Variants in CCSER2 observed in about 807,000 individuals in gnomAD.
The protein encoded by CCSER2 is coiled-coil serine rich protein 2, also known as serine-rich coiled-coil domain-containing protein 2.
A neutral mutation model predicts 92.3 loss-of-function variants in CCSER2; 46 were observed. The observed-to-expected ratio is 0.50, with a 90% CI of 0.39 to 0.64. The LOEUF (loss-of-function observed/expected upper bound fraction) is 0.64. Among genes scored for constraint, CCSER2 ranks in the 30% least tolerant of loss-of-function variants. CCSER2 has a pLI of 0.00. For missense variants in CCSER2, 1,244 were observed against 1,238.9 expected (o/e 1.00, Z -0.06); for synonymous variants, 433 against 431.4 (o/e 1.00, Z -0.04).
chr10:84,363,353 G>GA (rs1315900987), intron 1 of CCSER2, among the ~76,000 whole-genome samples: 7 of 151,854 alleles, frequency 4.6e-5, no homozygotes, highest in East Asian at 1.9e-4. Context: ...TGACAGCCAG[G>GA]AAAAAATGGG....
chr10:84,399,943 G>T (rs750630115), intron 3 of CCSER2, among the ~76,000 whole-genome samples: 1 of 151,476 alleles, frequency 6.6e-6, no homozygotes, highest in Non-Finnish European at 1.5e-5. Context: ...CCATCTTACT[G>T]GGCGTTAAGT....
At chr10:84,466,585 A>G (rs1021132510) in intron 7 of CCSER2, among the ~76,000 whole-genome samples, 1 of 150,826 alleles carries the variant, frequency 6.6e-6, no homozygotes, top group African/African-American at 2.4e-5. Context: ...GCTCGCTGCA[A>G]GCTCCACTTC....
At chr10:84,478,614 G>A (rs182482979) in intron 9 of CCSER2, among the ~76,000 whole-genome samples, 1 of 152,286 alleles carries the variant, frequency 6.6e-6, no homozygotes, top group Admixed American at 6.5e-5. Flanking sequence ...TTCAACAAAA[G>A]TTTGATGATC....
chr10:84,348,410 C>T (rs1352060300), intron 1 of CCSER2, among the ~76,000 whole-genome samples: 2 of 152,122 alleles, frequency 1.3e-5, no homozygotes, highest in Non-Finnish European at 2.9e-5. Context: ...CAGCACAGTC[C>T]AGCTTCGGCT....
intron 1 of CCSER2, among the ~76,000 whole-genome samples, chr10:84,363,930 G>T (rs1013973320): frequency 2.0e-5 from 3 of 152,116 alleles, no homozygotes; most frequent in Non-Finnish European, 2.9e-5. Context: ...ACACACCAAG[G>T]CTATATGGTA....
chr10:84,361,324 G>A (rs1244813717), intron 1 of CCSER2, among the ~76,000 whole-genome samples: 1 of 152,132 alleles, frequency 6.6e-6, no homozygotes, highest in Non-Finnish European at 1.5e-5. Context: ...TCCTGGGAGG[G>A]GCTTGTCTCC....
At position 84,347,741 on chromosome 10, in the gene CCSER2, G is replaced by A. The variant is rs1449441346; in HGVS notation, c.-40+18933G>A. ...CGGAGGGGCTCCTCACTTCTCAGAC[G>A]GGGCGGCTGCCGGGCGGAGGGGCTC... On this transcript the variant is annotated intron_variant, in intron 1 of 9. Transcript: ENST00000372088. Among the ~76,000 whole-genome samples, 24 of 151,388 alleles carry A rather than the reference G, an allele frequency of 1.6e-4. 1 individual carries two copies. Among genetic ancestry groups the A allele is most frequent in the Non-Finnish European group, 1.9e-4 (13 of 67,710 alleles).
At position 84,425,068 on chromosome 10, in the gene CCSER2, G is replaced by C. The variant is rs973354466; in HGVS notation, c.1706-663G>C. Reference sequence around the variant, plus strand: ...ATTTGGGTAAGTGAAGAAGCTTGGGGTGTTTCAAAGAGATTCTTTTCGTGT... The same window carrying C: ...ATTTGGGTAAGTGAAGAAGCTTGGGCTGTTTCAAAGAGATTCTTTTCGTGT... On this transcript the variant is annotated intron_variant, in intron 4 of 9. Transcript: ENST00000372088. The C allele has an allele frequency of 2.1e-6, 2 of 963,910 alleles. 1 individual carries two copies. Among genetic ancestry groups the C allele is most frequent in the Admixed American group, 1.2e-4 (2 of 16,246 alleles). 59.7% of individuals were successfully genotyped at this position (963,910 alleles called of 1,614,324 possible). A position where few individuals can be genotyped will look rare whatever the true frequency, so the allele number is the denominator to read the frequency against.
intron 6 of CCSER2, among the ~76,000 whole-genome samples, chr10:84,444,185 CATAG>C (rs1844765191): frequency 6.6e-6 from 1 of 152,018 alleles, no homozygotes; most frequent in East Asian, 1.9e-4. Flanking sequence ...AGGCAGAAGA[CATAG>C]ATAGATTTAG....
At chr10:84,407,110 T>C (rs923089655) in intron 3 of CCSER2, among the ~76,000 whole-genome samples, 2 of 152,218 alleles carry the variant, frequency 1.3e-5, no homozygotes, top group African/African-American at 4.8e-5. Flanking sequence ...TATTTGGTAA[T>C]GACTCCCACA....
intron 3 of CCSER2, among the ~76,000 whole-genome samples, chr10:84,417,202 A>G (rs369319524): frequency 1.3e-5 from 2 of 152,230 alleles, no homozygotes; most frequent in Non-Finnish European, 2.9e-5. Flanking sequence ...AAGGTTGCAA[A>G]TAAAAGCCAG....
intron 1 of CCSER2, among the ~76,000 whole-genome samples, chr10:84,339,830 C>CT (rs1844072265): frequency 2.0e-5 from 3 of 149,544 alleles, no homozygotes; most frequent in Middle Eastern, 7.1e-3. Flanking sequence ...CATTAAATCA[C>CT]TTTATCTTTT....
chr10:84,339,382 A>G (rs1349793836), intron 1 of CCSER2, among the ~76,000 whole-genome samples: 2 of 152,188 alleles, frequency 1.3e-5, no homozygotes, highest in Admixed American at 1.3e-4. Context: ...TTATTAGCAT[A>G]CAGATAGTAC....
Position 84,438,577 on chromosome 10 carries a change from A to G in CCSER2, c.1934A>G (p.Gln645Arg). 3.7e-6 allele frequency: 6 copies of G among 1,613,454 alleles called. No homozygotes were observed. Among genetic ancestry groups the G allele is most frequent in the Non-Finnish European group, 5.1e-6 (6 of 1,179,514 alleles). Residue 645 changes from glutamine to arginine, a missense_variant, in exon 6 of 10, where the codon CAG becomes CGG. Gln to Arg is a conservative substitution (Grantham distance 43). Transcript: ENST00000372088. ...AGCTATGGAGGGATGCCCTTTTTCC[A>G]GGCTCAGAAGATGTTTGTTGATGTA... is the stretch of plus-strand genomic sequence containing the variant. ...FESYGGMPFF[Q>R]AQKMFVDVPE...
intron 9 of CCSER2, among the ~76,000 whole-genome samples, chr10:84,509,098 G>A (rs890292507): frequency 3.3e-5 from 5 of 152,130 alleles, no homozygotes; most frequent in Non-Finnish European, 7.3e-5. Flanking sequence ...AGTATTTCCT[G>A]CTATCCTTCT....
At chr10:84,398,311 AGATAATCCAG>A (rs938554079) in intron 3 of CCSER2, among the ~76,000 whole-genome samples, 1 of 152,172 alleles carries the variant, frequency 6.6e-6, no homozygotes, top group African/African-American at 2.4e-5. Flanking sequence ...GGGCCCCCTC[AGATAATCCAG>A]GATAATACCT....
chr10:84,410,919 C>T (rs548955835), intron 3 of CCSER2, among the ~76,000 whole-genome samples: 1 of 152,110 alleles, frequency 6.6e-6, no homozygotes, highest in African/African-American at 2.4e-5. Flanking sequence ...AGTCTTTAAT[C>T]CATCTTGAGT....
intron 3 of CCSER2, chr10:84,392,001 T>G: frequency 7.6e-7 from 1 of 1,323,986 alleles, no homozygotes; most frequent in Non-Finnish European, 1.1e-6. Flanking sequence ...CTCTGACCAG[T>G]TTCCTCTTCC....
intron 9 of CCSER2, among the ~76,000 whole-genome samples, chr10:84,512,369 TGTG>T (rs1408293955): frequency 1.4e-5 from 1 of 72,710 alleles, no homozygotes; most frequent in Non-Finnish European, 2.4e-5. Flanking sequence ...ATTTAAACAG[TGTG>T]TGTGTGTGTG....
Sources: allele counts gnomAD v4.1 joint callset (sites outside exome capture counted in the v4.1 genomes callset), GRCh38; gene constraint gnomAD v4.1.1; transcripts MANE v1.5; gene names NCBI Gene and HGNC (gene_info 2026-07-23, HGNC 2026-07-21).